Variants in TMTC2 observed in about 807,000 individuals in gnomAD.
TMTC2 encodes the protein protein O-mannosyl-transferase TMTC2.
TMTC2 carries 43 observed loss-of-function variants against 82.4 expected under a neutral mutation model. The ratio of observed to expected loss-of-function variants is 0.52; its 90% CI spans 0.41 to 0.67. TMTC2 has a LOEUF of 0.67. Among genes scored for constraint, TMTC2 ranks in the 30% least tolerant of loss-of-function variants. The pLI is 0.00. For synonymous variants in TMTC2, 408 were observed against 381.9 expected, an observed-to-expected ratio of 1.07 and a Z score of -0.80; for missense variants, 919 against 1,012.4, an observed-to-expected ratio of 0.91 and a Z score of 1.25.
intron 1 of TMTC2, among the ~76,000 whole-genome samples, chr12:82,734,474 A>G (rs1339329064): frequency 2.6e-5 from 4 of 152,138 alleles, no homozygotes; most frequent in Non-Finnish European, 4.4e-5. Context: ...TCCACCTTCA[A>G]ACTAGCAGTG....
At chr12:82,984,032 AATT>A (rs1027546543) in intron 7 of TMTC2, among the ~76,000 whole-genome samples, 2 of 152,092 alleles carry the variant, frequency 1.3e-5, no homozygotes, top group East Asian at 1.9e-4. Context: ...ATAAAAACAA[AATT>A]ATTATAGAAA....
chr12:83,003,985 CCTT>C (rs1429001203), intron 8 of TMTC2, among the ~76,000 whole-genome samples: 3 of 152,150 alleles, frequency 2.0e-5, no homozygotes, highest in Non-Finnish European at 4.4e-5. Flanking sequence ...TACCCTCTCT[CCTT>C]CTCTCTCAGG....
At chr12:82,765,016 A>G (rs1391044660) in intron 1 of TMTC2, among the ~76,000 whole-genome samples, 1 of 151,946 alleles carries the variant, frequency 6.6e-6, no homozygotes, top group East Asian at 1.9e-4. Flanking sequence ...ATCAATTTAC[A>G]TTGCCATGGT....
At chr12:82,949,581 ATCAT>A (rs2137276920) in intron 4 of TMTC2, among the ~76,000 whole-genome samples, 1 of 152,254 alleles carries the variant, frequency 6.6e-6, no homozygotes, top group African/African-American at 2.4e-5. Context: ...TTGGCTTCAA[ATCAT>A]TCATTTATTG....
chr12:83,060,018 A>G (rs1882684023), intron 10 of TMTC2, among the ~76,000 whole-genome samples: 1 of 151,666 alleles, frequency 6.6e-6, no homozygotes, highest in Admixed American at 6.6e-5. Context: ...TCTGTACCAA[A>G]TTGATTCTAT....
chr12:82,841,202 C>A (rs989982065), intron 1 of TMTC2, among the ~76,000 whole-genome samples: 2 of 152,108 alleles, frequency 1.3e-5, no homozygotes, highest in Non-Finnish European at 2.9e-5. Context: ...TATCAAGTGC[C>A]TGCTATGTGA....
At chr12:82,819,281 T>C (rs1460154867) in intron 1 of TMTC2, among the ~76,000 whole-genome samples, 1 of 152,100 alleles carries the variant, frequency 6.6e-6, no homozygotes, top group Admixed American at 6.5e-5. Flanking sequence ...GATAATTTTT[T>C]GTTACTTCAA....
chr12:82,893,806 A>C (rs1445492209), intron 2 of TMTC2, among the ~76,000 whole-genome samples: 2 of 152,206 alleles, frequency 1.3e-5, no homozygotes, highest in African/African-American at 2.4e-5. Context: ...GAGATAGAAA[A>C]ACTTCTAAGA....
chr12:82,897,549 C>T (rs997060475), intron 3 of TMTC2, among the ~76,000 whole-genome samples: 2 of 151,794 alleles, frequency 1.3e-5, no homozygotes, highest in African/African-American at 4.8e-5. Context: ...TTTTTGAGAC[C>T]GGGTCTTGCT....
At chr12:82,808,504 A>G (rs1879342493) in intron 1 of TMTC2, among the ~76,000 whole-genome samples, 1 of 152,118 alleles carries the variant, frequency 6.6e-6, no homozygotes, top group Non-Finnish European at 1.5e-5. Flanking sequence ...CAGTTCGTAG[A>G]TATGGAAACT....
intron 9 of TMTC2, among the ~76,000 whole-genome samples, chr12:83,042,788 G>C (rs1881942482): frequency 6.6e-6 from 1 of 152,056 alleles, no homozygotes; most frequent in African/African-American, 2.4e-5. Context: ...TTGAGCACAG[G>C]GCCCTGGCCT....
intron 4 of TMTC2, among the ~76,000 whole-genome samples, chr12:82,932,656 A>C (rs1468159208): frequency 6.6e-6 from 1 of 152,066 alleles, no homozygotes; most frequent in East Asian, 1.9e-4. Context: ...TTGCATCTGA[A>C]AGTGATGTCA....
rs113332203 is a variant in TMTC2 at position 82,821,025 on chromosome 12, A to AT, written c.84-35972dup. Among the ~76,000 whole-genome samples the AT allele has an allele frequency of 2.7e-3, 387 of 145,508 alleles. 2 individuals carry two copies. Among genetic ancestry groups the AT allele is most frequent in the African/African-American group, 7.0e-3 (280 of 39,908 alleles). ...AGGTGCATGCCATTGTGCCTGGATA[A>AT]TTTTTTTTTTTTTCGTAGAGGAAGA... On this transcript the variant is annotated intron_variant, in intron 1 of 11. Coordinates refer to ENST00000321196, the MANE Select transcript of TMTC2 (RefSeq NM_152588.3).
chr12:83,092,218 G>A (rs1165869326), intron 11 of TMTC2, among the ~76,000 whole-genome samples: 2 of 152,168 alleles, frequency 1.3e-5, no homozygotes, highest in African/African-American at 2.4e-5. Flanking sequence ...CAAAAGGTGT[G>A]CTTTTGCAGT....
At chr12:82,937,747 T>TATATATATATATATATATATAC (rs1876416072) in intron 4 of TMTC2, among the ~76,000 whole-genome samples, 2 of 68,678 alleles carry the variant, frequency 2.9e-5, no homozygotes, top group African/African-American at 1.4e-4. Flanking sequence ...TGTGTGTGTG[T>TATATATATATATATATATATAC]GTGTATATAT....
intron 11 of TMTC2, among the ~76,000 whole-genome samples, chr12:83,108,408 G>A (rs904531778): frequency 6.6e-6 from 1 of 152,070 alleles, no homozygotes; most frequent in African/African-American, 2.4e-5. Context: ...AAGGCAGGCG[G>A]ATCATGAGGT....
intron 1 of TMTC2, among the ~76,000 whole-genome samples, chr12:82,840,383 C>T (rs1870267907): frequency 6.6e-6 from 1 of 152,168 alleles, no homozygotes; most frequent in African/African-American, 2.4e-5. Flanking sequence ...CTTTTGTTTT[C>T]TTCACATATT....
At chr12:82,741,334 G>A (rs1406731672) in intron 1 of TMTC2, among the ~76,000 whole-genome samples, 1 of 151,986 alleles carries the variant, frequency 6.6e-6, no homozygotes, top group African/African-American at 2.4e-5. Flanking sequence ...TTTTTTAGAC[G>A]GAATCTTGCT....
At chr12:82,980,413 G>A (rs1738803021) in intron 7 of TMTC2, among the ~76,000 whole-genome samples, 1 of 151,734 alleles carries the variant, frequency 6.6e-6, no homozygotes, top group South Asian at 2.1e-4. Context: ...GAATACCTTA[G>A]CAACCAGCTA....
Sources: allele counts gnomAD v4.1 joint callset (sites outside exome capture counted in the v4.1 genomes callset), GRCh38; gene constraint gnomAD v4.1.1; transcripts MANE v1.5; gene names NCBI Gene and HGNC (gene_info 2026-07-23, HGNC 2026-07-21).